Variants in BTD observed in about 807,000 individuals in gnomAD.
BTD encodes biocytinase.
Under a neutral mutation model 17.7 loss-of-function variants are expected in BTD, and 13 were observed. That is an observed-to-expected ratio of 0.74 (90% CI 0.48 to 1.17). The LOEUF (loss-of-function observed/expected upper bound fraction) is 1.17, where lower values mean the gene tolerates loss of function less well. BTD is among the 50% of genes most tolerant of loss of function. The pLI is 0.00. For synonymous variants in BTD, 240 were observed against 245.2 expected (o/e 0.98, Z 0.20); for missense variants, 674 against 650.4 (o/e 1.04, Z -0.39).
chr3:15,658,991 G>A (rs1255979645), intron 3 of BTD, among the ~76,000 whole-genome samples: 2 of 152,114 alleles, frequency 1.3e-5, no homozygotes, highest in African/African-American at 4.8e-5. Flanking sequence ...ACTGATCACA[G>A]GGGGCTGTAT....
chr3:15,677,988 TAA>T (rs533610112), intron 3 of BTD, among the ~76,000 whole-genome samples: 292 of 152,258 alleles, frequency 1.9e-3, no homozygotes, highest in African/African-American at 6.8e-3. Flanking sequence ...CCAGTGTTCT[TAA>T]CCACTATGTT....
intron 3 of BTD, among the ~76,000 whole-genome samples, chr3:15,692,073 C>T (rs1430364740): frequency 6.8e-6 from 1 of 147,632 alleles, no homozygotes; most frequent in Admixed American, 7.0e-5. Flanking sequence ...CTAGGAGGTA[C>T]AGGCTGCAGT....
Position 15,627,852 on chromosome 3 carries a change from G to T in BTD, c.-16-7572G>T, listed in dbSNP as rs1403588667. Among the ~76,000 whole-genome samples, 4 of 152,284 alleles carry T rather than the reference G, an allele frequency of 2.6e-5. No individual in the cohort carries two copies. The East Asian group carries it at 5.8e-4, about 22-fold the overall frequency. ...TTCTCTTGCTTCAGCCTCCCAAGTAGCTGGGATTACAGTGCCTGCCACCAC... is the reference window on the plus strand; with the variant it reads ...TTCTCTTGCTTCAGCCTCCCAAGTATCTGGGATTACAGTGCCTGCCACCAC... On this transcript the variant is annotated intron_variant, in intron 1 of 3. Coordinates refer to ENST00000643237, the MANE Select transcript of BTD (RefSeq NM_001370658.1).
chr3:15,657,789 A>G (rs2065885399), downstream of BTD, among the ~76,000 whole-genome samples: 1 of 151,898 alleles, frequency 6.6e-6, no homozygotes, highest in Non-Finnish European at 1.5e-5. Flanking sequence ...CTAGGCATGA[A>G]TCTTGCAAAC....
At chr3:15,628,076 C>T (rs983700750) in intron 1 of BTD, among the ~76,000 whole-genome samples, 1 of 152,246 alleles carries the variant, frequency 6.6e-6, no homozygotes, top group Admixed American at 6.5e-5. Flanking sequence ...TATTACCCAC[C>T]ACATTGTTCT....
rs141236010 is a variant in BTD at position 15,702,478 on chromosome 3, C to A, written c.400-7582C>A. Among the ~76,000 whole-genome samples, 38 of 152,252 alleles carry A rather than the reference C, an allele frequency of 2.5e-4. No individual in the cohort carries two copies. In the South Asian group the frequency reaches 4.8e-3, roughly 19 times the overall value. On this transcript the variant is annotated intron_variant, in intron 3 of 3. Coordinates refer to the BTD transcript ENST00000672141. ...TGTCCTCTGAAATAAAATATATACA[C>A]AAAATCTGAAAAAATATTTAAGGCT...
chr3:15,694,092 T>C (rs2069186147), intron 3 of BTD, among the ~76,000 whole-genome samples: 1 of 152,112 alleles, frequency 6.6e-6, no homozygotes, highest in Non-Finnish European at 1.5e-5. Flanking sequence ...GTCTCAAAAA[T>C]AAATTCTTTC....
intron 3 of BTD, chr3:15,684,959 A>AC (rs2067941945): frequency 2.5e-6 from 1 of 402,866 alleles, no homozygotes; most frequent in South Asian, 2.6e-5. Context: ...TCCTACCAAA[A>AC]CTAAAAAAGA....
At chr3:15,642,282 CAAT>C in intron 3 of BTD, 1 of 1,413,018 alleles carries the variant, frequency 7.1e-7, no homozygotes, top group Middle Eastern at 2.6e-4. Context: ...ATTAATTACA[CAAT>C]AAATACAGGA....
At chr3:15,641,549 C>T (rs1414270822) in intron 2 of BTD, among the ~76,000 whole-genome samples, 1 of 152,208 alleles carries the variant, frequency 6.6e-6, no homozygotes, top group Non-Finnish European at 1.5e-5. Flanking sequence ...CAGTAGTTGG[C>T]CCCATCTCCC....
intron 3 of BTD, among the ~76,000 whole-genome samples, chr3:15,666,726 T>C (rs938859214): frequency 6.6e-5 from 10 of 152,196 alleles, no homozygotes; most frequent in African/African-American, 2.4e-4. Flanking sequence ...AGTGCCAATA[T>C]ATCTACTCTA....
chr3:15,636,095 T>C (rs753405931), intron 2 of BTD, among the ~76,000 whole-genome samples: 17 of 152,082 alleles, frequency 1.1e-4, no homozygotes, highest in African/African-American at 4.1e-4. Context: ...TCCGTTGTAA[T>C]TGGTGTGGAA....
rs763876392 is a variant in BTD, at chr3:15,694,748, T to C, written c.400-15312T>C. The C allele has an allele frequency of 1.4e-5, 23 of 1,613,458 alleles. No homozygotes were observed. In the East Asian group the frequency reaches 5.1e-4, roughly 36 times the overall value. ...TGAAGGCAGTACTCACAGCCAAGTG[T>C]AAAGGGCTTATTGTTGCTCTATTAT... On this transcript the variant is annotated intron_variant, in intron 3 of 3. Coordinates refer to the BTD transcript ENST00000672141.
intron 4 of BTD, among the ~76,000 whole-genome samples, chr3:15,721,609 G>C (rs1054919261): frequency 2.0e-5 from 3 of 151,964 alleles, no homozygotes; most frequent in Admixed American, 6.6e-5. Context: ...AAAAATGAAC[G>C]GCATGTTCTA....
At chr3:15,706,935 T>C (rs557054943) in intron 3 of BTD, among the ~76,000 whole-genome samples, 95 of 152,274 alleles carry the variant, frequency 6.2e-4, no homozygotes, top group African/African-American at 1.4e-3. Context: ...TTTGATGGGG[T>C]TGTTTGAAAA....
intron 3 of BTD, chr3:15,642,402 A>G (rs929257204): frequency 1.8e-6 from 1 of 543,538 alleles, no homozygotes; most frequent in African/African-American, 1.9e-5. Flanking sequence ...CAACAATTTG[A>G]TGTGCATTCA....
At position 15,602,023 on chromosome 3, in the gene BTD, C is replaced by A. The variant is rs910612085; in HGVS notation, c.-17+129C>A. On this transcript the variant is annotated intron_variant, in intron 1 of 3. Coordinates refer to ENST00000643237, the MANE Select transcript of BTD (RefSeq NM_001370658.1). ...CTGCCGGGAGCTGGGAAGCCCGGCG[C>A]GCGTCGTTTGCTGGGGCTGTTTGTG... is the stretch of plus-strand genomic sequence containing the variant. 21 of 1,500,032 alleles carry A rather than the reference C, an allele frequency of 1.4e-5. No individual in the cohort carries two copies. The African/African-American group carries it at 2.8e-4, about 20-fold the overall frequency. The allele number at this position is 1,500,032 out of a possible 1,614,324, so 92.9% of individuals were successfully genotyped here. A position where few individuals can be genotyped will look rare whatever the true frequency, so the allele number is the denominator to read the frequency against.
In BTD at chr3:15,644,833, A is replaced by C. The variant is rs747059644; in HGVS notation, c.917A>C (p.Glu306Ala). Reference sequence around the variant, plus strand: ...GAGTCCTTTTGGTACCATGACATGGAAAATCCCAAAAGTCACCTTATAATT... The same window carrying C: ...GAGTCCTTTTGGTACCATGACATGGCAAATCCCAAAAGTCACCTTATAATT... ...PLESFWYHDM[E>A]NPKSHLIIAQ... Residue 306 changes from glutamate (E) to alanine (A), a missense_variant, in exon 4 of 4, where the codon GAA (glutamate) becomes GCA (alanine). Coordinates refer to ENST00000643237, the MANE Select transcript of BTD (RefSeq NM_001370658.1). The C allele has an allele frequency of 6.2e-7, 1 of 1,614,240 alleles. No individual in the cohort carries two copies. The highest frequency in any genetic ancestry group is 1.7e-5 in the Admixed American group (1 of 60,028).
chr3:15,707,921 T>C, intron 3 of BTD: 3 of 1,612,466 alleles, frequency 1.9e-6, no homozygotes, highest in Non-Finnish European at 2.5e-6. Flanking sequence ...CTATGGTACT[T>C]ACTTGCCATC....
Sources: gnomAD v4.1 joint callset for allele counts (sites outside exome capture counted in the v4.1 genomes callset) on GRCh38, gnomAD v4.1.1 for gene constraint, MANE v1.5 for transcripts, NCBI Gene and HGNC (gene_info 2026-07-23, HGNC 2026-07-21) for gene names.